SNAPC3: variants seen among roughly 807,000 people sequenced by gnomAD.
SNAPC3 encodes the protein small nuclear RNA activating complex polypeptide 3, also known as snRNA-activating protein complex subunit 3.
A neutral mutation model predicts 47.7 loss-of-function variants in SNAPC3; 56 were observed. The observed-to-expected ratio is 1.18, with a 90% CI of 0.95 to 1.47. The LOEUF is 1.47. SNAPC3 is among the 40% of genes most tolerant of loss of function. SNAPC3 has a pLI of 0.00. For missense variants in SNAPC3, 665 were observed against 511.3 expected (o/e 1.30, Z -2.90); for synonymous variants, 235 against 189.9 (o/e 1.24, Z -1.95).
intron 7 of SNAPC3, among the ~76,000 whole-genome samples, chr9:15,457,518 A>C (rs1034785479): frequency 2.0e-5 from 3 of 152,100 alleles, no homozygotes; most frequent in African/African-American, 7.2e-5. Context: ...CTGCTTGAGC[A>C]CAGGAGTTTG....
chr9:15,439,115 T>C (rs896812815), intron 3 of SNAPC3, among the ~76,000 whole-genome samples: 1 of 151,992 alleles, frequency 6.6e-6, no homozygotes, highest in Non-Finnish European at 1.5e-5. Context: ...GCTCAAGTTA[T>C]CTTCCCACCT....
chr9:15,450,972 GA>G (rs886389483), intron 5 of SNAPC3, among the ~76,000 whole-genome samples: 3 of 152,156 alleles, frequency 2.0e-5, no homozygotes, highest in Non-Finnish European at 2.9e-5. Flanking sequence ...AAAAATGCCA[GA>G]AAAACATAGC....
chr9:15,444,517 G>C, intron 3 of SNAPC3, 85 bp from the exon 4 acceptor site: 1 of 803,236 alleles, frequency 1.2e-6, no homozygotes, highest in South Asian at 1.6e-5. Flanking sequence ...TGCTTGACTC[G>C]ATCCCTTGCT....
intron 3 of SNAPC3, among the ~76,000 whole-genome samples, chr9:15,441,313 C>T (rs2033336485): frequency 6.7e-6 from 1 of 149,742 alleles, no homozygotes; most frequent in South Asian, 2.1e-4. Flanking sequence ...TTTGAGAGAC[C>T]TCCGTATTGT....
At chr9:15,456,156 G>A (rs1194714407) in intron 7 of SNAPC3, among the ~76,000 whole-genome samples, 1 of 152,150 alleles carries the variant, frequency 6.6e-6, no homozygotes, top group Non-Finnish European at 1.5e-5. Flanking sequence ...TTACAGGCGT[G>A]AGCCACCATG....
At chr9:15,457,419 A>T (rs2034876540) in intron 7 of SNAPC3, among the ~76,000 whole-genome samples, 1 of 151,978 alleles carries the variant, frequency 6.6e-6, no homozygotes, top group South Asian at 2.1e-4. Flanking sequence ...ACATAGTGAG[A>T]CCGTGTCTCT....
chr9:15,434,729 A>G (rs2032582701), intron 3 of SNAPC3, among the ~76,000 whole-genome samples: 2 of 152,092 alleles, frequency 1.3e-5, no homozygotes, highest in South Asian at 4.1e-4. Flanking sequence ...ACGTAGCATA[A>G]TGTTTTATAG....
chr9:15,437,136 T>TTTTATA (rs2032896711), intron 3 of SNAPC3, among the ~76,000 whole-genome samples: 1 of 152,072 alleles, frequency 6.6e-6, no homozygotes, highest in African/African-American at 2.4e-5. Flanking sequence ...ATCAGCAGTG[T>TTTTATA]TTTATACTCT....
chr9:15,437,475 C>T (rs142793101), intron 3 of SNAPC3, among the ~76,000 whole-genome samples: 9 of 152,096 alleles, frequency 5.9e-5, no homozygotes, highest in Non-Finnish European at 1.5e-5. Context: ...TCAGGTGATC[C>T]ACCCACCTTG....
At chr9:15,449,044 A>G (rs111577503) in intron 5 of SNAPC3, among the ~76,000 whole-genome samples, 6,023 of 152,178 alleles carry the variant, frequency 0.04, 375 homozygotes, top group African/African-American at 0.14. Flanking sequence ...TCCTGACTTC[A>G]GGTGATCCAC....
At position 15,461,570 on chromosome 9, in the gene SNAPC3, G is replaced by C. The variant is rs2035225924; in HGVS notation, c.*1704G>C. The C allele has an allele frequency of 1.3e-5, 2 of 152,082 alleles. No individual in the cohort carries two copies. The highest frequency in any genetic ancestry group is 1.3e-4 in the Admixed American group (2 of 15,272). 9.4% of individuals were successfully genotyped at this position (152,082 alleles called of 1,614,324 possible). A position where few individuals can be genotyped will look rare whatever the true frequency, so the allele number is the denominator to read the frequency against. On this transcript the variant is annotated 3_prime_UTR_variant, in exon 9 of 9. Transcript: ENST00000380821. ...TTAATACTGTTTAGAAGACTTTTAG[G>C]AATACTATAGATTTCAAATGCATCA...
At chr9:15,425,169 A>G (rs577371561) in intron 2 of SNAPC3, among the ~76,000 whole-genome samples, 16 of 152,254 alleles carry the variant, frequency 1.1e-4, no homozygotes, top group Admixed American at 2.0e-4. Context: ...ATGGCTCAGG[A>G]TGCATGTGGC....
chr9:15,458,568 GTACAT>G (rs1463826464), intron 8 of SNAPC3, among the ~76,000 whole-genome samples: 1 of 152,024 alleles, frequency 6.6e-6, no homozygotes, highest in Non-Finnish European at 1.5e-5. Flanking sequence ...TAAAACCACA[GTACAT>G]CACATGAAGT....
intron 3 of SNAPC3, among the ~76,000 whole-genome samples, chr9:15,442,968 A>C (rs1031790207): frequency 6.6e-6 from 1 of 152,250 alleles, no homozygotes; most frequent in Non-Finnish European, 1.5e-5. Flanking sequence ...TAGGAGCTGG[A>C]GACCAGCCTG....
At chr9:15,465,708 C>T (rs2035577735), downstream of SNAPC3, 1 of 712,038 alleles carries the variant, frequency 1.4e-6, no homozygotes, top group Non-Finnish European at 2.3e-6. Context: ...AAAAGAAAAA[C>T]TTGACTTGTT....
intron 3 of SNAPC3, among the ~76,000 whole-genome samples, chr9:15,443,695 C>T (rs911587713): frequency 6.6e-6 from 1 of 152,158 alleles, no homozygotes; most frequent in Non-Finnish European, 1.5e-5. Flanking sequence ...AGGCACTCGG[C>T]ATCACCAGAC....
In SNAPC3 at chr9:15,450,796, CTG is replaced by C. The variant is rs199605778; in HGVS notation, c.733-521_733-520del. On this transcript the variant is annotated intron_variant, in intron 5 of 8. Coordinates refer to ENST00000380821, the MANE Select transcript of SNAPC3 (RefSeq NM_001039697.2). ...TTGAGAGCCACTCCTTTGACGGACA[CTG>C]TGGTAGAATGAGTTAAGAACCCTTG... 8.0e-3 allele frequency among the ~76,000 whole-genome samples: 1,211 copies of C among 152,240 alleles called. 6 individuals carry two copies. Among genetic ancestry groups the C allele is most frequent in the Non-Finnish European group, 0.014 (939 of 68,022 alleles).
chr9:15,438,305 C>A (rs544871877), intron 3 of SNAPC3, among the ~76,000 whole-genome samples: 11 of 152,014 alleles, frequency 7.2e-5, no homozygotes, highest in African/African-American at 2.4e-4. Flanking sequence ...CCTTTTTTTC[C>A]TGTAAAATCA....
chr9:15,434,852 GTTC>G (rs1036088461), intron 3 of SNAPC3, among the ~76,000 whole-genome samples: 7 of 152,232 alleles, frequency 4.6e-5, no homozygotes, highest in Non-Finnish European at 7.4e-5. Context: ...AGACATTTGG[GTTC>G]TTTTATCTTT....
Sources: gnomAD v4.1 joint callset for allele counts (sites outside exome capture counted in the v4.1 genomes callset) on GRCh38, gnomAD v4.1.1 for gene constraint, MANE v1.5 for transcripts, NCBI Gene and HGNC (gene_info 2026-07-23, HGNC 2026-07-21) for gene names.